COL16A1: variants seen among roughly 807,000 people sequenced by gnomAD.
COL16A1 encodes collagen alpha-1(XVI) chain.
COL16A1 carries 189 observed loss-of-function variants against 266.3 expected under a neutral mutation model. That is an observed-to-expected ratio of 0.71 (90% CI 0.63 to 0.80). The LOEUF (loss-of-function observed/expected upper bound fraction) is 0.80. COL16A1 is among the 30% of genes least tolerant of loss of function. The pLI is 0.00. For synonymous variants in COL16A1, 740 were observed against 782.3 expected (o/e 0.95, Z 0.90); for missense variants, 1,928 against 2,122.4 (o/e 0.91, Z 1.80).
At chr1:31,655,966 C>T (rs1570333226) in intron 66 of COL16A1, 1 of 300,514 alleles carries the variant, frequency 3.3e-6, no homozygotes, top group South Asian at 3.4e-5. Context: ...TCCGACTCCC[C>T]AGGCTGGGTT....
intron 11 of COL16A1, among the ~76,000 whole-genome samples, chr1:31,694,826 C>A (rs1644424132): frequency 6.6e-6 from 1 of 152,212 alleles, no homozygotes; most frequent in African/African-American, 2.4e-5. Context: ...TCTTCCCCTT[C>A]TCTAGGCCTC....
chr1:31,655,657 G>A (rs964974190), intron 66 of COL16A1, 155 bp from the exon 67 acceptor site: 1 of 1,311,214 alleles, frequency 7.6e-7, no homozygotes, highest in Non-Finnish European at 1.0e-6. Flanking sequence ...GCCCCAGAGT[G>A]GTCCTTCTAG....
At position 31,688,971 on chromosome 1, in the gene COL16A1, C is replaced by T. The variant is rs995144867; in HGVS notation, c.1657G>A (p.Gly553Arg). 3.7e-6 allele frequency: 6 copies of T among 1,614,002 alleles called. No homozygotes were observed. The highest frequency in any genetic ancestry group is 1.3e-5 in the African/African-American group (1 of 74,920). ...GAGCTGCAGGACAAGCAGGGCTCCC[C>T]CTGGGGAAAGAAGAGGAAGGATCAG... is the stretch of plus-strand genomic sequence containing the variant. The part of the protein sequence containing the change: ...PGIQGIKGEK[G>R]EPCLSCSSVV... The change falls in exon 25 of 71, where the codon GGG becomes AGG. Residue 553 changes from glycine to arginine, a missense_variant and splice_region_variant. Gly to Arg is a moderately radical substitution (Grantham distance 125). Coordinates refer to ENST00000373672, the MANE Select transcript of COL16A1 (RefSeq NM_001856.4). This position sits in a 1 kb window ranked among gnomAD's most constrained non-coding sequence, Gnocchi z 4.9.
Position 31,664,061 on chromosome 1 carries a change from G to A in COL16A1, c.3555+1111C>T, listed in dbSNP as rs1641914918. On this transcript the variant is annotated intron_variant, in intron 56 of 70. Transcript: ENST00000373672. This position sits in a 1 kb window ranked among gnomAD's most constrained non-coding sequence, Gnocchi z 5.5. ...CAACCAATGTTGGCCCCCACTGGCAGTTGGGATGAAGAACCACTGGCCAGA... is the reference window on the plus strand; with the variant it reads ...CAACCAATGTTGGCCCCCACTGGCAATTGGGATGAAGAACCACTGGCCAGA... Among the ~76,000 whole-genome samples the A allele has an allele frequency of 6.6e-6, 1 of 152,096 alleles. No individual in the cohort carries two copies. The highest frequency in any genetic ancestry group is 2.4e-5 in the African/African-American group (1 of 41,404).
Position 31,697,770 on chromosome 1 carries a change from G to T in COL16A1, c.657+136C>A. The T allele has an allele frequency of 1.9e-6, 2 of 1,048,828 alleles. No homozygotes were observed. The highest frequency in any genetic ancestry group is 1.4e-6 in the Non-Finnish European group (1 of 722,480). The allele number at this position is 1,048,828 out of a possible 1,614,324, so 65.0% of individuals were successfully genotyped here. On this transcript the variant is annotated intron_variant, in intron 6 of 70. Coordinates refer to ENST00000373672, the MANE Select transcript of COL16A1 (RefSeq NM_001856.4). The surrounding 1 kb of genome is among the most constrained non-coding windows in gnomAD (Gnocchi z 4.2). ...TTGAATGCCAGGTGAATATGTTTAG[G>T]CTGCATTTGGAGGGCAACAGGAAAG...
intron 30 of COL16A1, 29 bp from the exon 31 acceptor site, chr1:31,684,659 A>G (rs760086997): frequency 6.2e-7 from 1 of 1,610,984 alleles, no homozygotes; most frequent in Non-Finnish European, 8.5e-7. Flanking sequence ...AAGGAAAGCA[A>G]GGATGGCCCA....
Position 31,668,381 on chromosome 1 carries a change from C to G in COL16A1, c.3250-163G>C, listed in dbSNP as rs1642330193. 6.6e-6 allele frequency among the ~76,000 whole-genome samples: 1 copy of G among 152,186 alleles called. No homozygotes were observed. The highest frequency in any genetic ancestry group is 1.5e-5 in the Non-Finnish European group (1 of 68,036). ...GCCATCTCCCCAAGCCCCAGGTCCC[C>G]TCGGTCGTGACCACCACCACAGACC... On this transcript the variant is annotated intron_variant, in intron 50 of 70. Transcript: ENST00000373672. The surrounding 1 kb of genome is among the most constrained non-coding windows in gnomAD (Gnocchi z 5.8).
intron 10 of COL16A1, 52 bp from the exon 11 acceptor site, chr1:31,695,273 C>T (rs772352945): frequency 1.3e-6 from 2 of 1,558,900 alleles, no homozygotes; most frequent in South Asian, 1.1e-5. Flanking sequence ...TGGGGTGAGC[C>T]CTCCCCACCT....
chr1:31,679,462 C>T (rs751806063), intron 42 of COL16A1, 170 bp downstream of exon 42: 1 of 1,608,636 alleles, frequency 6.2e-7, no homozygotes. Flanking sequence ...GGCCTAGAGG[C>T]TCAGTGGGCC....
Position 31,698,693 on chromosome 1 carries a change from C to T in COL16A1, c.267-87G>A. The T allele has an allele frequency of 6.4e-7, 1 of 1,553,814 alleles. No individual in the cohort carries two copies. The highest frequency in any genetic ancestry group is 8.7e-7 in the Non-Finnish European group (1 of 1,154,222). On this transcript the variant is annotated intron_variant, in intron 4 of 70. Coordinates refer to ENST00000373672, the MANE Select transcript of COL16A1 (RefSeq NM_001856.4). This position sits in a 1 kb window ranked among gnomAD's most constrained non-coding sequence, Gnocchi z 4.1. ...TGAGCCCTCAGGACTGCTGAGCCTACCCAAGACATCCACAGGCACACATCT... is the reference window on the plus strand; with the variant it reads ...TGAGCCCTCAGGACTGCTGAGCCTATCCAAGACATCCACAGGCACACATCT...
chr1:31,692,556 C>T, intron 15 of COL16A1, 42 bp downstream of exon 15: 1 of 1,614,106 alleles, frequency 6.2e-7, no homozygotes. Flanking sequence ...AGGCTGGGCC[C>T]TGGACCCACC....
chr1:31,678,760 TAGC>T (rs1643386587), intron 42 of COL16A1, among the ~76,000 whole-genome samples: 1 of 152,200 alleles, frequency 6.6e-6, no homozygotes, highest in Non-Finnish European at 1.5e-5. Context: ...TAGGCGCACT[TAGC>T]AGAAGAGGGC....
At chr1:31,689,433 C>A in intron 23 of COL16A1, 1 of 560,114 alleles carries the variant, frequency 1.8e-6, no homozygotes, top group Non-Finnish European at 3.2e-6. Context: ...CCAAAACATA[C>A]CCAATCCTAG....
chr1:31,686,079 C>G lies in COL16A1; in HGVS notation c.1884+12G>C. On this transcript the variant is annotated intron_variant, in intron 28 of 70. Coordinates refer to ENST00000373672, the MANE Select transcript of COL16A1 (RefSeq NM_001856.4). ...ACCCAGGCTGCAGCACGGAGAATGT[C>G]CCCAGACTCACCTTCGCCCCTTTGA... The G allele has an allele frequency of 1.2e-6, 2 of 1,613,756 alleles. No individual in the cohort carries two copies. The highest frequency in any genetic ancestry group is 1.7e-6 in the Non-Finnish European group (2 of 1,179,860).
At chr1:31,701,118 A>T (rs920471317) in intron 2 of COL16A1, among the ~76,000 whole-genome samples, 1 of 152,152 alleles carries the variant, frequency 6.6e-6, no homozygotes, top group Non-Finnish European at 1.5e-5. Context: ...GGCTGGAAGA[A>T]GGAATCCTGG....
At chr1:31,661,593 T>G in intron 59 of COL16A1, 67 bp downstream of exon 59, 1 of 1,612,070 alleles carries the variant, frequency 6.2e-7, no homozygotes, top group East Asian at 2.2e-5. Flanking sequence ...GGATTTGAGC[T>G]GTTGCAGCCA....
intron 61 of COL16A1, among the ~76,000 whole-genome samples, 156 bp from the exon 62 acceptor site, chr1:31,660,794 A>G (rs1193434593): frequency 6.6e-6 from 1 of 152,174 alleles, no homozygotes; most frequent in Admixed American, 6.5e-5. Flanking sequence ...TTTCCCGGAG[A>G]GTTAGGTAGA....
rs1643827687 is a variant in COL16A1 at position 31,683,840 on chromosome 1, C to T, written c.2338-92G>A. On this transcript the variant is annotated intron_variant, in intron 33 of 70. Coordinates refer to ENST00000373672, the MANE Select transcript of COL16A1 (RefSeq NM_001856.4). Reference sequence around the variant, plus strand: ...CCCTTCTCCTCCAGCTTCTTCCTGCCCTGCACCCTGCCTCCATTTCCCACT... The same window carrying T: ...CCCTTCTCCTCCAGCTTCTTCCTGCTCTGCACCCTGCCTCCATTTCCCACT... The T allele has an allele frequency of 5.0e-6, 8 of 1,606,262 alleles. No individual in the cohort carries two copies. The Admixed American group carries it at 6.8e-5, about 14-fold the overall frequency.
intron 48 of COL16A1, among the ~76,000 whole-genome samples, chr1:31,671,410 G>A (rs1285433368): frequency 3.3e-5 from 5 of 152,194 alleles, no homozygotes; most frequent in Non-Finnish European, 1.5e-5. Context: ...ACCGCAGGCA[G>A]TAGGCAGAGC....
Sources: allele counts gnomAD v4.1 joint callset (sites outside exome capture counted in the v4.1 genomes callset), GRCh38; gene constraint gnomAD v4.1.1; non-coding constraint Gnocchi (gnomAD v3.1); transcripts MANE v1.5; gene names NCBI Gene and HGNC (gene_info 2026-07-23, HGNC 2026-07-21).